BNIP2: variants seen among roughly 807,000 people sequenced by gnomAD.
BNIP2 encodes BCL2/adenovirus E1B 19 kDa protein-interacting protein 2.
Under a neutral mutation model 43.4 loss-of-function variants are expected in BNIP2, and 36 were observed. The ratio of observed to expected loss-of-function variants is 0.83; its 90% CI spans 0.64 to 1.10. The LOEUF (loss-of-function observed/expected upper bound fraction) is 1.10. Ranked by LOEUF, BNIP2 falls within the 50% of genes least tolerant of loss-of-function variation. The pLI is 0.00. For missense variants in BNIP2, 417 were observed against 374.1 expected (o/e 1.11, Z -0.95); for synonymous variants, 146 against 121.0 (o/e 1.21, Z -1.35).
At chr15:59,665,816 C>T (rs1259414956) in intron 9 of BNIP2, among the ~76,000 whole-genome samples, 2 of 152,066 alleles carry the variant, frequency 1.3e-5, no homozygotes, top group South Asian at 2.1e-4. Flanking sequence ...TAAAACAATC[C>T]GGTATTAGAT....
intron 5 of BNIP2, chr15:59,676,967 A>G (rs1893342079): frequency 1.2e-6 from 2 of 1,613,394 alleles, no homozygotes; most frequent in Admixed American, 3.3e-5. Flanking sequence ...TGCCATCTTC[A>G]TCACCCTCTT....
At chr15:59,681,547 C>G (rs2142014857) in intron 2 of BNIP2, among the ~76,000 whole-genome samples, 1 of 151,134 alleles carries the variant, frequency 6.6e-6, no homozygotes, top group South Asian at 2.1e-4. Context: ...CTCCTGGGTT[C>G]AGGTGATTCT....
chr15:59,679,558 A>G (rs142536562), intron 4 of BNIP2, 34 bp downstream of exon 4: 9 of 1,587,838 alleles, frequency 5.7e-6, no homozygotes, highest in African/African-American at 5.4e-5. Flanking sequence ...TAGTACATTA[A>G]TAAAGATCAG....
In BNIP2 at chr15:59,669,285, G is replaced by A. The variant is rs1052190039; in HGVS notation, c.785C>T (p.Pro262Leu). 6.5e-7 allele frequency: 1 copy of A among 1,542,212 alleles called. No homozygotes were observed. The highest frequency in any genetic ancestry group is 8.7e-7 in the Non-Finnish European group (1 of 1,152,566). The change falls in exon 8 of 10, where the codon CCA (proline) becomes CTA (leucine). Residue 262 changes from proline to leucine, a missense_variant. By Grantham distance (98) the Pro-to-Leu change is moderately conservative (BLOSUM62 -3). Coordinates refer to ENST00000607373, the MANE Select transcript of BNIP2 (RefSeq NM_004330.4). Reference sequence around the variant, plus strand: ...GGCTCTCAAAAATTACCTAATAAATGGTCTTGTAACAGCCAGAAGTGTTCT... The same window carrying A: ...GGCTCTCAAAAATTACCTAATAAATAGTCTTGTAACAGCCAGAAGTGTTCT... ...FIRTLLAVTR[P>L]FISSKFSQKI... is the part of the protein sequence containing the mutation.
At chr15:59,685,329 G>A (rs1024853593) in intron 1 of BNIP2, among the ~76,000 whole-genome samples, 1 of 152,052 alleles carries the variant, frequency 6.6e-6, no homozygotes, top group Non-Finnish European at 1.5e-5. Flanking sequence ...GTGATACCCC[G>A]TTTCCACAAA....
intron 5 of BNIP2, chr15:59,677,204 A>G: frequency 1.3e-6 from 2 of 1,595,594 alleles, no homozygotes; most frequent in Non-Finnish European, 1.7e-6. Flanking sequence ...CACATGGGAT[A>G]TCCCAAGTAG....
intron 7 of BNIP2, 28 bp downstream of exon 7, chr15:59,671,155 A>C (rs1455488489): frequency 2.0e-6 from 3 of 1,533,704 alleles, no homozygotes; most frequent in Non-Finnish European, 2.6e-6. Flanking sequence ...ATTTTTTCAG[A>C]CTAGCTTTCA....
chr15:59,674,986 C>A (rs2142002546), intron 5 of BNIP2, among the ~76,000 whole-genome samples: 1 of 152,296 alleles, frequency 6.6e-6, no homozygotes, highest in East Asian at 1.9e-4. Flanking sequence ...CACTGTGGCT[C>A]ATGCCTGTAA....
intron 7 of BNIP2, 136 bp from the exon 8 acceptor site, chr15:59,669,498 G>A: frequency 1.8e-6 from 1 of 556,566 alleles, no homozygotes; most frequent in Non-Finnish European, 3.1e-6. Context: ...TACCCCTGTA[G>A]ACAAGAAAAT....
chr15:59,688,596 T>C (rs1295962353), intron 1 of BNIP2: 1 of 1,037,764 alleles, frequency 9.6e-7, no homozygotes, highest in African/African-American at 1.6e-5. Flanking sequence ...CAGAAAGGGT[T>C]GTGTCTAGAT....
Position 59,663,954 on chromosome 15 carries a change from A to G in BNIP2, c.*115T>C, listed in dbSNP as rs1892412496. 1.2e-6 allele frequency: 1 copy of G among 818,734 alleles called. No homozygotes were observed. The highest frequency in any genetic ancestry group is 1.8e-5 in the African/African-American group (1 of 56,400). 50.7% of individuals were successfully genotyped at this position (818,734 alleles called of 1,614,324 possible). A position where few individuals can be genotyped will look rare whatever the true frequency, so the allele number is the denominator to read the frequency against. Reference sequence around the variant, plus strand: ...ACAAAAGTCCATTATGAAAAAGTCAAGTCTATTTTGTAACAGGTTACATAA... The same window carrying G: ...ACAAAAGTCCATTATGAAAAAGTCAGGTCTATTTTGTAACAGGTTACATAA... On this transcript the variant is annotated 3_prime_UTR_variant, in exon 10 of 10. Coordinates refer to ENST00000607373, the MANE Select transcript of BNIP2 (RefSeq NM_004330.4).
chr15:59,669,888 T>C (rs1032330887), intron 7 of BNIP2, among the ~76,000 whole-genome samples: 3 of 152,198 alleles, frequency 2.0e-5, no homozygotes, highest in African/African-American at 7.2e-5. Context: ...AATGACTAAA[T>C]ACTCTTTGTA....
intron 9 of BNIP2, among the ~76,000 whole-genome samples, chr15:59,666,568 G>A (rs913915271): frequency 2.0e-5 from 3 of 152,164 alleles, no homozygotes; most frequent in African/African-American, 7.2e-5. Flanking sequence ...TTGGGGGGCT[G>A]AGGCAGCAGA....
In BNIP2 at chr15:59,679,753, T is replaced by C. The variant is rs181153215; in HGVS notation, c.134A>G (p.Asn45Ser). 2 of 1,541,654 alleles carry C rather than the reference T, an allele frequency of 1.3e-6. No individual in the cohort carries two copies. Among genetic ancestry groups the C allele is most frequent in the African/African-American group, 2.8e-5 (2 of 70,268 alleles). Residue 45 changes from asparagine (N) to serine (S), a missense_variant, in exon 4 of 10, where the codon AAT becomes AGT. Physicochemically the swap from Asn to Ser is conservative, Grantham distance 46. Transcript: ENST00000607373. ...PEDQPGSLEV[N>S]GNKVRKKLMA... Reference sequence around the variant, plus strand: ...TAGTTTCTTTCTCACTTTATTTCCATTAACTTCTAGTGAGCCTGGAATTGG... The same window carrying C: ...TAGTTTCTTTCTCACTTTATTTCCACTAACTTCTAGTGAGCCTGGAATTGG...
chr15:59,681,076 T>G (rs1298003260), intron 2 of BNIP2, among the ~76,000 whole-genome samples: 3 of 152,222 alleles, frequency 2.0e-5, no homozygotes, highest in Non-Finnish European at 4.4e-5. Context: ...TATGATGCAA[T>G]GTATGAAGCT....
At chr15:59,686,500 A>T (rs1894022707) in intron 1 of BNIP2, among the ~76,000 whole-genome samples, 1 of 152,184 alleles carries the variant, frequency 6.6e-6, no homozygotes. Flanking sequence ...ATGACCGTTT[A>T]TGCGGAAATC....
chr15:59,666,946 A>T (rs1268297877), intron 9 of BNIP2, among the ~76,000 whole-genome samples: 1 of 151,792 alleles, frequency 6.6e-6, no homozygotes, highest in Non-Finnish European at 1.5e-5. Context: ...AACTTTTTTT[A>T]AAAAGGCTTA....
intron 2 of BNIP2, 44 bp from the exon 3 acceptor site, chr15:59,680,352 A>G: frequency 6.7e-7 from 1 of 1,487,080 alleles, no homozygotes. Context: ...ATTAAGAAAG[A>G]ATTTTTTTTT....
intron 1 of BNIP2, among the ~76,000 whole-genome samples, chr15:59,683,269 C>T (rs1893809734): frequency 6.6e-6 from 1 of 152,272 alleles, no homozygotes; most frequent in Middle Eastern, 3.4e-3. Flanking sequence ...GAGATACTCC[C>T]TCTGGTGATG....
Sources: gnomAD v4.1 joint callset for allele counts (sites outside exome capture counted in the v4.1 genomes callset) on GRCh38, gnomAD v4.1.1 for gene constraint, MANE v1.5 for transcripts, NCBI Gene and HGNC (gene_info 2026-07-23, HGNC 2026-07-21) for gene names.